MAPKAP1: variants seen among roughly 807,000 people sequenced by gnomAD.
MAPKAP1 encodes the protein MAPK associated protein 1.
A neutral mutation model predicts 65.7 loss-of-function variants in MAPKAP1; 20 were observed. The ratio of observed to expected loss-of-function variants is 0.30; its 90% CI spans 0.21 to 0.44. The LOEUF (loss-of-function observed/expected upper bound fraction) is 0.44, where lower values mean the gene tolerates loss of function less well. Ranked by LOEUF, MAPKAP1 falls within the 20% of genes least tolerant of loss-of-function variation. The probability of loss-of-function intolerance (pLI) is 1.00; values close to 1 mark genes in which losing one functional copy is unlikely to be tolerated. For synonymous variants in MAPKAP1, 222 were observed against 244.3 expected, an observed-to-expected ratio of 0.91 and a Z score of 0.85; for missense variants, 423 against 648.0, an observed-to-expected ratio of 0.65 and a Z score of 3.77.
chr9:125,644,476 A>G (rs1482024003), intron 4 of MAPKAP1, among the ~76,000 whole-genome samples: 1 of 152,238 alleles, frequency 6.6e-6, no homozygotes, highest in African/African-American at 2.4e-5. Context: ...GAGACCAGAT[A>G]AAGAATTATT....
At position 125,506,317 on chromosome 9, in the gene MAPKAP1, G is replaced by A. The variant is rs1216977909; in HGVS notation, c.1059C>T (p.Arg353=). ...GCGAGGCGGCCAACGTACTGTTCTC[G>A]CGGACCAGGCAGAACTCCCATGCGC... The part of the protein sequence containing the change: ...SQSAWEFCLV[R]ENSSRADGVF... The change falls in exon 8 of 12, where the codon CGC becomes CGT. Residue 353 remains arginine, a synonymous_variant. Coordinates refer to ENST00000265960, the MANE Select transcript of MAPKAP1 (RefSeq NM_001006617.3). 6.2e-6 allele frequency: 10 copies of A among 1,613,760 alleles called. No homozygotes were observed. The highest frequency in any genetic ancestry group is 2.2e-5 in the South Asian group (2 of 91,082).
chr9:125,672,868 T>C (rs1443920626), intron 1 of MAPKAP1, among the ~76,000 whole-genome samples: 2 of 152,216 alleles, frequency 1.3e-5, no homozygotes, highest in African/African-American at 4.8e-5. Flanking sequence ...AAGGAAGGCT[T>C]GCACTCTTGC....
intron 1 of MAPKAP1, among the ~76,000 whole-genome samples, chr9:125,694,126 C>T (rs777409782): frequency 4.0e-5 from 6 of 151,830 alleles, no homozygotes; most frequent in South Asian, 4.2e-4. Flanking sequence ...GTCAGGAGTT[C>T]GAGACCAGCC....
chr9:125,490,432 G>C (rs1854659766), intron 8 of MAPKAP1, among the ~76,000 whole-genome samples: 1 of 152,116 alleles, frequency 6.6e-6, no homozygotes, highest in Admixed American at 6.5e-5. Flanking sequence ...TTAGCTACTT[G>C]GGAGGCTGAG....
intron 7 of MAPKAP1, among the ~76,000 whole-genome samples, chr9:125,508,416 GCTTT>G (rs1829206831): frequency 6.6e-6 from 1 of 152,188 alleles, no homozygotes. Flanking sequence ...CTGGAGGGCT[GCTTT>G]CTAAGATAAT....
chr9:125,519,484 T>G (rs1443965545), intron 7 of MAPKAP1, among the ~76,000 whole-genome samples: 5 of 151,572 alleles, frequency 3.3e-5, no homozygotes, highest in Non-Finnish European at 7.4e-5. Flanking sequence ...AAATAAAAAT[T>G]AGCCTGGTAT....
chr9:125,557,040 T>C (rs1299208145), intron 6 of MAPKAP1, among the ~76,000 whole-genome samples: 1 of 152,226 alleles, frequency 6.6e-6, no homozygotes, highest in Admixed American at 6.5e-5. Context: ...AAGGATTGAC[T>C]GGGCTATGTG....
chr9:125,628,090 G>A (rs1459799991), intron 4 of MAPKAP1, among the ~76,000 whole-genome samples: 1 of 152,176 alleles, frequency 6.6e-6, no homozygotes, highest in Non-Finnish European at 1.5e-5. Context: ...TACATTCTAT[G>A]AGAGCAAAGG....
chr9:125,606,281 G>T (rs1393978839), intron 4 of MAPKAP1, among the ~76,000 whole-genome samples: 2 of 152,116 alleles, frequency 1.3e-5, no homozygotes, highest in African/African-American at 4.8e-5. Flanking sequence ...AAAAGGAAAA[G>T]AGTATATGGG....
At chr9:125,487,455 ATCATT>A (rs1413382262) in intron 8 of MAPKAP1, among the ~76,000 whole-genome samples, 2 of 144,252 alleles carry the variant, frequency 1.4e-5, no homozygotes, top group African/African-American at 4.9e-5. Flanking sequence ...TGTTTTAAAA[ATCATT>A]TCAAGTCATC....
intron 4 of MAPKAP1, among the ~76,000 whole-genome samples, chr9:125,651,054 C>A (rs1333272006): frequency 2.6e-5 from 4 of 152,184 alleles, no homozygotes; most frequent in South Asian, 2.1e-4. Context: ...GCAGCCTCAA[C>A]CTCCTGGGCT....
chr9:125,465,473 C>T (rs1021347551), intron 10 of MAPKAP1, among the ~76,000 whole-genome samples: 3 of 152,230 alleles, frequency 2.0e-5, no homozygotes, highest in Non-Finnish European at 4.4e-5. Flanking sequence ...TAGATTGAGT[C>T]ACTGAATTAA....
At chr9:125,509,552 T>C (rs1041225901) in intron 7 of MAPKAP1, among the ~76,000 whole-genome samples, 2 of 152,240 alleles carry the variant, frequency 1.3e-5, no homozygotes, top group Non-Finnish European at 2.9e-5. Flanking sequence ...CAATGGGTCA[T>C]TCACATGCAG....
chr9:125,684,294 T>C (rs941875178), intron 1 of MAPKAP1, among the ~76,000 whole-genome samples: 1 of 152,294 alleles, frequency 6.6e-6, no homozygotes, highest in Non-Finnish European at 1.5e-5. Flanking sequence ...TATCTGGAGA[T>C]AGTTCCAGCT....
chr9:125,667,515 G>A (rs553924683), intron 3 of MAPKAP1, among the ~76,000 whole-genome samples: 4 of 152,170 alleles, frequency 2.6e-5, no homozygotes, highest in South Asian at 2.1e-4. Context: ...ACAGGGTTTC[G>A]CCATGTTGGC....
chr9:125,675,297 T>C (rs1299018496), intron 1 of MAPKAP1, among the ~76,000 whole-genome samples: 2 of 152,178 alleles, frequency 1.3e-5, no homozygotes, highest in Non-Finnish European at 2.9e-5. Context: ...CGAGAAGTGA[T>C]CAGATATTTA....
chr9:125,506,640 C>T (rs997639974), intron 7 of MAPKAP1, among the ~76,000 whole-genome samples: 3 of 152,168 alleles, frequency 2.0e-5, no homozygotes, highest in African/African-American at 4.8e-5. Flanking sequence ...CAGTTCTCCC[C>T]GAAACCAAGT....
chr9:125,691,771 C>A (rs1835177923), intron 1 of MAPKAP1, among the ~76,000 whole-genome samples: 1 of 152,182 alleles, frequency 6.6e-6, no homozygotes. Flanking sequence ...TTACTTTCTT[C>A]ACTTTCCCCT....
intron 10 of MAPKAP1, among the ~76,000 whole-genome samples, 179 bp downstream of exon 10, chr9:125,467,793 T>A (rs1442998874): frequency 6.6e-6 from 1 of 152,140 alleles, no homozygotes; most frequent in East Asian, 1.9e-4. Flanking sequence ...ATGGGGCACA[T>A]GTCAGGCTCT....
Sources: gnomAD v4.1 joint callset for allele counts (sites outside exome capture counted in the v4.1 genomes callset) on GRCh38, gnomAD v4.1.1 for gene constraint, MANE v1.5 for transcripts, NCBI Gene and HGNC (gene_info 2026-07-23, HGNC 2026-07-21) for gene names.